KCNIP4: variants seen among roughly 807,000 people sequenced by gnomAD.
The protein encoded by KCNIP4 is Kv channel-interacting protein 4.
A neutral mutation model predicts 34.0 loss-of-function variants in KCNIP4; 12 were observed. That is an observed-to-expected ratio of 0.35 (90% CI 0.23 to 0.57). The LOEUF (loss-of-function observed/expected upper bound fraction) is 0.57. KCNIP4 is among the 20% of genes least tolerant of loss of function. The pLI is 0.83. For synonymous variants in KCNIP4, 124 were observed against 102.2 expected (o/e 1.21, Z -1.29); for missense variants, 238 against 311.7 (o/e 0.76, Z 1.78).
intron 1 of KCNIP4, among the ~76,000 whole-genome samples, chr4:21,760,110 T>A (rs1466423743): frequency 2.6e-5 from 4 of 152,092 alleles, no homozygotes; most frequent in Admixed American, 2.0e-4. Context: ...TCACCCATAA[T>A]GTTGCCGTGC....
At chr4:21,482,295 C>G (rs1233506161) in intron 1 of KCNIP4, among the ~76,000 whole-genome samples, 1 of 152,094 alleles carries the variant, frequency 6.6e-6, no homozygotes, top group African/African-American at 2.4e-5. Flanking sequence ...TTAATTGGAG[C>G]ATTTAGCCCA....
chr4:21,306,867 T>C (rs971410979), intron 1 of KCNIP4, among the ~76,000 whole-genome samples: 3 of 151,974 alleles, frequency 2.0e-5, no homozygotes, highest in Non-Finnish European at 4.4e-5. Context: ...GTTGCCCACA[T>C]TGGAGTGCAA....
At chr4:21,558,532 A>C (rs184522245) in intron 1 of KCNIP4, among the ~76,000 whole-genome samples, 2 of 151,874 alleles carry the variant, frequency 1.3e-5, no homozygotes, top group African/African-American at 4.8e-5. Flanking sequence ...AAAACAAAAT[A>C]AATGAGATTC....
At chr4:21,201,613 C>T (rs1756500619) in intron 1 of KCNIP4, among the ~76,000 whole-genome samples, 1 of 152,190 alleles carries the variant, frequency 6.6e-6, no homozygotes, top group South Asian at 2.1e-4. Flanking sequence ...ATTCTCCTGC[C>T]TCAGCCTCCC....
At chr4:21,457,159 C>T (rs1243397359) in intron 1 of KCNIP4, among the ~76,000 whole-genome samples, 1 of 151,982 alleles carries the variant, frequency 6.6e-6, no homozygotes, top group African/African-American at 2.4e-5. Context: ...AGATTTCTTC[C>T]TTTGCTACCA....
At chr4:21,692,985 G>A (rs1248394550) in intron 1 of KCNIP4, among the ~76,000 whole-genome samples, 4 of 151,706 alleles carry the variant, frequency 2.6e-5, no homozygotes, top group Admixed American at 6.6e-5. Context: ...AGGAGAGAGA[G>A]GTTGGAAATA....
At chr4:20,979,399 C>CTTTTT (rs762394597) in intron 1 of KCNIP4, among the ~76,000 whole-genome samples, 5 of 133,308 alleles carry the variant, frequency 3.8e-5, no homozygotes, top group African/African-American at 5.6e-5. Context: ...CACTTTCTTT[C>CTTTTT]TTTTTTTTTT....
At chr4:21,348,959 G>C (rs955088483) in intron 1 of KCNIP4, among the ~76,000 whole-genome samples, 2 of 152,138 alleles carry the variant, frequency 1.3e-5, no homozygotes, top group African/African-American at 4.8e-5. Context: ...AAATGAAAAA[G>C]ATGCTTCTGC....
intron 1 of KCNIP4, chr4:20,984,150 T>C (rs1430179887): frequency 6.8e-6 from 4 of 587,334 alleles, no homozygotes; most frequent in Non-Finnish European, 8.5e-6. Flanking sequence ...TGGCGGGGCT[T>C]CCCCCCTGCT....
chr4:20,832,501 C>T (rs1037484745), intron 3 of KCNIP4, among the ~76,000 whole-genome samples: 7 of 152,018 alleles, frequency 4.6e-5, no homozygotes, highest in South Asian at 2.1e-4. Flanking sequence ...TTAATTTTAT[C>T]CTTTCTCAAT....
intron 1 of KCNIP4, among the ~76,000 whole-genome samples, chr4:21,430,045 A>G (rs914604140): frequency 3.3e-5 from 5 of 152,166 alleles, no homozygotes; most frequent in African/African-American, 1.2e-4. Flanking sequence ...TTTGGTACCA[A>G]TGACAAACCT....
At chr4:21,874,871 T>C (rs1490793530) in intron 1 of KCNIP4, among the ~76,000 whole-genome samples, 1 of 152,214 alleles carries the variant, frequency 6.6e-6, no homozygotes, top group African/African-American at 2.4e-5. Flanking sequence ...TGTATTTCTC[T>C]GAAACAAGGA....
intron 1 of KCNIP4, among the ~76,000 whole-genome samples, chr4:21,398,168 T>C (rs900492435): frequency 6.6e-6 from 1 of 152,220 alleles, no homozygotes; most frequent in African/African-American, 2.4e-5. Flanking sequence ...TTCCCAGAAT[T>C]TAAGCTAAAA....
At chr4:21,171,412 G>T (rs144644145) in intron 1 of KCNIP4, among the ~76,000 whole-genome samples, 4 of 152,286 alleles carry the variant, frequency 2.6e-5, no homozygotes, top group East Asian at 3.9e-4. Context: ...TACTAAAACT[G>T]TGCTGATCTT....
At chr4:21,547,491 T>C (rs1272056427) in intron 1 of KCNIP4, among the ~76,000 whole-genome samples, 1 of 152,108 alleles carries the variant, frequency 6.6e-6, no homozygotes, top group Non-Finnish European at 1.5e-5. Context: ...TCTTATATGA[T>C]AATATTGCTC....
chr4:21,478,760 AGT>A (rs1342907500), intron 1 of KCNIP4, among the ~76,000 whole-genome samples: 19 of 152,272 alleles, frequency 1.2e-4, no homozygotes, highest in Non-Finnish European at 2.2e-4. Flanking sequence ...CATCTTTTCT[AGT>A]GTGATTATAG....
intron 1 of KCNIP4, among the ~76,000 whole-genome samples, chr4:21,203,050 C>T (rs1756600928): frequency 6.6e-6 from 1 of 152,220 alleles, no homozygotes; most frequent in South Asian, 2.1e-4. Flanking sequence ...TACTTGGCTA[C>T]TCTCCTGAGC....
chr4:20,860,846 A>C (rs1015553900), intron 2 of KCNIP4, among the ~76,000 whole-genome samples: 4 of 152,174 alleles, frequency 2.6e-5, no homozygotes, highest in Admixed American at 6.6e-5. Context: ...AGGTGATGCT[A>C]TTGTTTGTTT....
chr4:20,905,351 G>C (rs1727621852), intron 1 of KCNIP4, among the ~76,000 whole-genome samples: 1 of 152,038 alleles, frequency 6.6e-6, no homozygotes, highest in Non-Finnish European at 1.5e-5. Context: ...TCACCCTAAT[G>C]ACCTTATTTT....
Sources: allele counts gnomAD v4.1 joint callset (sites outside exome capture counted in the v4.1 genomes callset), GRCh38; gene constraint gnomAD v4.1.1; transcripts MANE v1.5; gene names NCBI Gene and HGNC (gene_info 2026-07-23, HGNC 2026-07-21).